The following FOXK2 variants were observed in gnomAD, a reference collection of about 807,000 sequenced individuals.
FOXK2 encodes forkhead box protein K2.
In FOXK2, 24 loss-of-function variants were observed where a neutral mutation model predicts 53.3. The observed-to-expected ratio is 0.45, with a 90% CI of 0.33 to 0.63. The LOEUF is 0.63. FOXK2 is among the 30% of genes least tolerant of loss of function. The pLI is 0.03. For missense variants in FOXK2, 952 were observed against 910.5 expected (o/e 1.05, Z -0.59); for synonymous variants, 505 against 407.1 (o/e 1.24, Z -2.89).
intron 2 of FOXK2, among the ~76,000 whole-genome samples, chr17:82,565,190 C>A (rs1046296643): frequency 2.0e-5 from 3 of 152,072 alleles, no homozygotes; most frequent in African/African-American, 7.2e-5. Flanking sequence ...GGATCAAAGA[C>A]CTAAATGTAA....
At chr17:82,535,438 T>A (rs930548574) in intron 1 of FOXK2, among the ~76,000 whole-genome samples, 2 of 152,238 alleles carry the variant, frequency 1.3e-5, no homozygotes, top group Admixed American at 6.5e-5. Flanking sequence ...CATTTCAAAC[T>A]TCCATGGTTG....
At chr17:82,541,153 C>G (rs2044571025) in intron 1 of FOXK2, among the ~76,000 whole-genome samples, 1 of 152,158 alleles carries the variant, frequency 6.6e-6, no homozygotes, top group Non-Finnish European at 1.5e-5. Context: ...AGTGGGCCAA[C>G]CTCAGGGGCG....
chr17:82,532,221 T>C (rs1195961043), intron 1 of FOXK2, among the ~76,000 whole-genome samples: 2 of 152,206 alleles, frequency 1.3e-5, no homozygotes, highest in African/African-American at 2.4e-5. Context: ...CTCGGCTCAC[T>C]GCAGCCTCCG....
rs368191967 is a variant in FOXK2 at position 82,531,275 on chromosome 17, GTT to G, written c.419+10970_419+10971del. 3.2e-3 allele frequency among the ~76,000 whole-genome samples: 480 copies of G among 152,284 alleles called. 5 individuals carry two copies. The highest frequency in any genetic ancestry group is 0.011 in the African/African-American group (461 of 41,560). On this transcript the variant is annotated intron_variant, in intron 1 of 8. Coordinates refer to ENST00000335255, the MANE Select transcript of FOXK2 (RefSeq NM_004514.4). ...GAATTGGTTGGATGTGGGCTTCTGA[GTT>G]TGGATTGGGTGACTACTGTACCATA...
At chr17:82,536,106 C>T (rs887533369) in intron 1 of FOXK2, among the ~76,000 whole-genome samples, 5 of 151,876 alleles carry the variant, frequency 3.3e-5, no homozygotes, top group African/African-American at 1.2e-4. Context: ...TCAAACTCCT[C>T]ACCTCAGGTG....
intron 1 of FOXK2, among the ~76,000 whole-genome samples, chr17:82,550,660 G>T (rs560197237): frequency 6.6e-6 from 1 of 151,780 alleles, no homozygotes; most frequent in South Asian, 2.1e-4. Context: ...CCGCCACCAC[G>T]CCCGGCTAAT....
chr17:82,599,200 T>G (rs916347283), intron 8 of FOXK2: 1 of 150,640 alleles, frequency 6.6e-6, no homozygotes. Flanking sequence ...TGGGTTCAAG[T>G]GATTCTCCTG....
Position 82,603,398 on chromosome 17 carries a change from TC to T in FOXK2, c.*1900del, listed in dbSNP as rs1360937643. 1 of 152,240 alleles carries T rather than the reference TC, an allele frequency of 6.6e-6. No homozygotes were observed. The highest frequency in any genetic ancestry group is 1.5e-5 in the Non-Finnish European group (1 of 68,050). 9.4% of individuals were successfully genotyped at this position (152,240 alleles called of 1,614,324 possible). On this transcript the variant is annotated 3_prime_UTR_variant, in exon 9 of 9. Coordinates refer to ENST00000335255, the MANE Select transcript of FOXK2 (RefSeq NM_004514.4). ...AGCTCCCTCCACAGAGGGCTCCAGC[TC>T]TGTTGGTCACAGCTGATGGGGTTCT...
At chr17:82,574,384 G>A (rs991153576) in intron 4 of FOXK2, among the ~76,000 whole-genome samples, 11 of 150,484 alleles carry the variant, frequency 7.3e-5, no homozygotes, top group Admixed American at 6.6e-4. Context: ...GCAATGGCGC[G>A]ATCTCGGCTC....
intron 8 of FOXK2, among the ~76,000 whole-genome samples, chr17:82,593,201 A>G (rs36139215): frequency 6.9e-6 from 1 of 145,412 alleles, no homozygotes; most frequent in Non-Finnish European, 1.5e-5. Flanking sequence ...TCCCTGTGCC[A>G]GGCAGAGGCT....
chr17:82,587,318 A>C (rs1266919234), intron 8 of FOXK2, 46 bp downstream of exon 8: 5 of 1,433,172 alleles, frequency 3.5e-6, no homozygotes, highest in Non-Finnish European at 4.9e-6. Flanking sequence ...GGGTACTGGG[A>C]GCAGAGCCCC....
At chr17:82,524,181 C>T (rs970196150) in intron 1 of FOXK2, among the ~76,000 whole-genome samples, 6 of 152,204 alleles carry the variant, frequency 3.9e-5, no homozygotes, top group Non-Finnish European at 8.8e-5. Flanking sequence ...TGAGCCACTG[C>T]GCCTGTCCTA....
chr17:82,598,112 C>A (rs1228299603), intron 8 of FOXK2, among the ~76,000 whole-genome samples: 1 of 146,058 alleles, frequency 6.8e-6, no homozygotes, highest in African/African-American at 2.5e-5. Flanking sequence ...AACCTTCTGG[C>A]TGTTTGAAAC....
At chr17:82,554,093 A>G (rs920736542) in intron 1 of FOXK2, among the ~76,000 whole-genome samples, 2 of 152,122 alleles carry the variant, frequency 1.3e-5, no homozygotes, top group Non-Finnish European at 2.9e-5. Flanking sequence ...CGGCCTCCCA[A>G]AGTGCTGGGA....
chr17:82,576,643 C>G, intron 4 of FOXK2: 1 of 1,136,468 alleles, frequency 8.8e-7, no homozygotes. Flanking sequence ...GAAGCTGGCA[C>G]AGAAGATGAT....
chr17:82,598,469 G>T (rs529025580), intron 8 of FOXK2, among the ~76,000 whole-genome samples: 1 of 152,142 alleles, frequency 6.6e-6, no homozygotes, highest in South Asian at 2.1e-4. Context: ...TGAGTCAGCC[G>T]TGTTGTGCTG....
chr17:82,583,550 A>C (rs747480277), intron 5 of FOXK2, among the ~76,000 whole-genome samples: 3 of 152,266 alleles, frequency 2.0e-5, no homozygotes, highest in Admixed American at 6.5e-5. Flanking sequence ...TCCGTCTCAA[A>C]ACAAAAATAC....
intron 8 of FOXK2, 89 bp from the exon 9 acceptor site, chr17:82,601,214 C>G (rs377109704): frequency 5.2e-5 from 71 of 1,374,386 alleles, no homozygotes; most frequent in African/African-American, 8.5e-5. Flanking sequence ...GGGGTTCTGA[C>G]TCGCGAGGGT....
Position 82,596,977 on chromosome 17 carries a change from C to T in FOXK2, c.1787-4326C>T, listed in dbSNP as rs116549797. On this transcript the variant is annotated intron_variant, in intron 8 of 8. Coordinates refer to ENST00000335255, the MANE Select transcript of FOXK2 (RefSeq NM_004514.4). ...GAGCCCCTTGTGCTCAGAGCTCTCA[C>T]GGAACACAGAGCAAGCCTGTCTACG... Among the ~76,000 whole-genome samples, 639 of 152,320 alleles carry T rather than the reference C, an allele frequency of 4.2e-3. 9 individuals are homozygous for T. The highest frequency in any genetic ancestry group is 0.014 in the African/African-American group (588 of 41,584).
Sources: allele counts gnomAD v4.1 joint callset (sites outside exome capture counted in the v4.1 genomes callset), GRCh38; gene constraint gnomAD v4.1.1; transcripts MANE v1.5; gene names NCBI Gene and HGNC (gene_info 2026-07-23, HGNC 2026-07-21).